Variants in PDZRN3 observed in about 807,000 individuals in gnomAD.
PDZRN3 encodes E3 ubiquitin-protein ligase PDZRN3.
Under a neutral mutation model 85.7 loss-of-function variants are expected in PDZRN3, and 38 were observed. That is an observed-to-expected ratio of 0.44 (90% CI 0.34 to 0.58). The LOEUF (loss-of-function observed/expected upper bound fraction) is 0.58. Ranked by LOEUF, PDZRN3 falls within the 20% of genes least tolerant of loss-of-function variation. The pLI is 0.01. For missense variants in PDZRN3, 1,629 were observed against 1,506.4 expected (o/e 1.08, Z -1.35); for synonymous variants, 759 against 638.0 (o/e 1.19, Z -2.86).
intron 7 of PDZRN3, 92 bp downstream of exon 7, chr3:73,389,724 T>A (rs1701480047): frequency 1.1e-6 from 1 of 914,782 alleles, no homozygotes; most frequent in African/African-American, 1.6e-5. Context: ...CTTTAACCGC[T>A]TCTGCATTTT....
intron 1 of PDZRN3, among the ~76,000 whole-genome samples, chr3:73,609,472 A>T (rs1407431731): frequency 3.3e-5 from 5 of 152,144 alleles, no homozygotes; most frequent in Non-Finnish European, 7.4e-5. Context: ...AATAGATTTA[A>T]CCTTATGTGA....
At chr3:73,403,553 C>G (rs918496173) in intron 4 of PDZRN3, among the ~76,000 whole-genome samples, 10 of 152,200 alleles carry the variant, frequency 6.6e-5, no homozygotes, top group Non-Finnish European at 1.0e-4. Flanking sequence ...CTTTGAGCAT[C>G]AGGTTTGTCT....
intron 3 of PDZRN3, among the ~76,000 whole-genome samples, chr3:73,582,026 G>A (rs1359108632): frequency 6.6e-6 from 1 of 151,312 alleles, no homozygotes; most frequent in Non-Finnish European, 1.5e-5. Flanking sequence ...CTTGAGCCCA[G>A]GAGGTTGAGG....
chr3:73,407,249 A>G (rs888900874), intron 3 of PDZRN3, among the ~76,000 whole-genome samples: 5 of 152,196 alleles, frequency 3.3e-5, no homozygotes, highest in Non-Finnish European at 7.3e-5. Flanking sequence ...CCTCTAGACA[A>G]GTCATCTGCA....
intron 5 of PDZRN3, among the ~76,000 whole-genome samples, chr3:73,392,113 C>T (rs1312318476): frequency 6.6e-6 from 1 of 152,204 alleles, no homozygotes; most frequent in Non-Finnish European, 1.5e-5. Context: ...TTGGAAGATA[C>T]TTCTTGAACT....
chr3:73,599,976 G>A (rs920825648), intron 3 of PDZRN3, among the ~76,000 whole-genome samples: 1 of 152,092 alleles, frequency 6.6e-6, no homozygotes, highest in Non-Finnish European at 1.5e-5. Flanking sequence ...AATTATTTGT[G>A]TATGTATGCA....
In PDZRN3 at chr3:73,486,215, G is replaced by A. The variant is rs900597217; in HGVS notation, c.919-81820C>T. Among the ~76,000 whole-genome samples the A allele has an allele frequency of 4.6e-5, 7 of 152,256 alleles. No homozygotes were observed. In the East Asian group the frequency reaches 5.8e-4, roughly 13 times the overall value. ...AGATGCCAGTGGCTGGGAATGGCTC[G>A]CTTTTAGGTCAACAGCTTGAATTTG... On this transcript the variant is annotated intron_variant, in intron 3 of 9. Transcript: ENST00000263666.
At position 73,384,525 on chromosome 3, in the gene PDZRN3, C is replaced by T. The variant is rs753757339; in HGVS notation, c.2041G>A (p.Val681Met). 1.9e-6 allele frequency: 3 copies of T among 1,613,726 alleles called. No homozygotes were observed. The highest frequency in any genetic ancestry group is 1.1e-5 in the South Asian group (1 of 91,090). ...TTCAGCAGCTCCAGCTCCTTGTCCA[C>T]GCTCTCAGGGTCACTCTTGCCGGCG... ...LDAGKSDPESVDKELELLNEE... is the reference protein window; with the variant it reads ...LDAGKSDPESMDKELELLNEE... Residue 681 changes from valine (V) to methionine (M), a missense_variant, in exon 10 of 10, where the codon GTG (valine) becomes ATG (methionine). Physicochemically the swap from Val to Met is conservative, Grantham distance 21. Coordinates refer to ENST00000263666, the MANE Select transcript of PDZRN3 (RefSeq NM_015009.3).
intron 3 of PDZRN3, among the ~76,000 whole-genome samples, chr3:73,445,390 A>G (rs965973066): frequency 1.3e-5 from 2 of 152,208 alleles, no homozygotes; most frequent in African/African-American, 4.8e-5. Flanking sequence ...CTAGTTTAAT[A>G]TTTTAAAGTC....
At chr3:73,425,389 G>A (rs546177559) in intron 3 of PDZRN3, among the ~76,000 whole-genome samples, 2 of 152,096 alleles carry the variant, frequency 1.3e-5, no homozygotes, top group South Asian at 2.1e-4. Flanking sequence ...TTCCCAGGCC[G>A]GAAGCATCCA....
intron 3 of PDZRN3, among the ~76,000 whole-genome samples, chr3:73,482,451 C>T (rs1019799013): frequency 1.3e-4 from 20 of 152,148 alleles, no homozygotes; most frequent in Admixed American, 4.6e-4. Context: ...CTCTCCTACG[C>T]GTTTATAGTG....
At chr3:73,405,773 T>C (rs1400111510) in intron 3 of PDZRN3, among the ~76,000 whole-genome samples, 1 of 152,246 alleles carries the variant, frequency 6.6e-6, no homozygotes, top group Non-Finnish European at 1.5e-5. Flanking sequence ...ATATACATTT[T>C]CCTCCCTTAG....
intron 3 of PDZRN3, among the ~76,000 whole-genome samples, chr3:73,522,052 A>T (rs547162054): frequency 6.6e-6 from 1 of 152,342 alleles, no homozygotes; most frequent in African/African-American, 2.4e-5. Flanking sequence ...AATTATATGA[A>T]ATTCAAATTT....
At chr3:73,614,733 C>T (rs925258810) in intron 1 of PDZRN3, among the ~76,000 whole-genome samples, 1 of 152,118 alleles carries the variant, frequency 6.6e-6, no homozygotes, top group African/African-American at 2.4e-5. Context: ...GTTGAGGGGA[C>T]CAAGAGGTAG....
At chr3:73,447,335 C>G (rs1431875636) in intron 3 of PDZRN3, among the ~76,000 whole-genome samples, 1 of 151,970 alleles carries the variant, frequency 6.6e-6, no homozygotes, top group Non-Finnish European at 1.5e-5. Context: ...GCTGTCTGTC[C>G]TAGCTTCCTG....
At chr3:73,605,731 A>C (rs1029247978) in intron 2 of PDZRN3, among the ~76,000 whole-genome samples, 3 of 152,252 alleles carry the variant, frequency 2.0e-5, no homozygotes, top group African/African-American at 7.2e-5. Context: ...AACAGTGCAG[A>C]ATACATTCAG....
In PDZRN3 at chr3:73,383,926, G is replaced by A; in HGVS notation, c.2640C>T (p.Tyr880=). 2 of 1,609,862 alleles carry A rather than the reference G, an allele frequency of 1.2e-6. No individual in the cohort carries two copies. The highest frequency in any genetic ancestry group is 2.2e-5 in the South Asian group (2 of 90,560). ...GCTGGATCAGCTGCATGTAGCTCTG[G>A]TAGTGCTGGGCGTGCGCCGGGATGT... is the stretch of plus-strand genomic sequence containing the variant. ...HAHIPAHAQH[Y]QSYMQLIQQK... Residue 880 remains tyrosine (Y), a synonymous_variant, in exon 10 of 10, where the codon TAC becomes TAT. Transcript: ENST00000263666.
chr3:73,622,285 G>C (rs550978806), intron 1 of PDZRN3, among the ~76,000 whole-genome samples: 35 of 152,336 alleles, frequency 2.3e-4, no homozygotes, highest in Middle Eastern at 3.4e-3. Context: ...GGCCAGGAAG[G>C]GGGGCCAGGT....
At chr3:73,528,249 C>T (rs1704570931) in intron 3 of PDZRN3, among the ~76,000 whole-genome samples, 1 of 152,200 alleles carries the variant, frequency 6.6e-6, no homozygotes, top group South Asian at 2.1e-4. Context: ...CCTGCTTTAA[C>T]TGGTGTGCCA....
Sources: allele counts gnomAD v4.1 joint callset (sites outside exome capture counted in the v4.1 genomes callset), GRCh38; gene constraint gnomAD v4.1.1; transcripts MANE v1.5; gene names NCBI Gene and HGNC (gene_info 2026-07-23, HGNC 2026-07-21).